CAMKMT: variants seen among roughly 807,000 people sequenced by gnomAD.
CAMKMT encodes the protein CaM KMT.
Under a neutral mutation model 48.0 loss-of-function variants are expected in CAMKMT, and 53 were observed. The observed-to-expected ratio is 1.10, with a 90% CI of 0.89 to 1.39. The LOEUF (loss-of-function observed/expected upper bound fraction) is 1.39. CAMKMT is among the 40% of genes most tolerant of loss of function. The probability of loss-of-function intolerance (pLI) is 0.00; values close to 1 mark genes in which losing one functional copy is unlikely to be tolerated. For synonymous variants in CAMKMT, 165 were observed against 152.3 expected (o/e 1.08, Z -0.61); for missense variants, 428 against 402.7 (o/e 1.06, Z -0.54).
chr2:44,721,691 C>T (rs1224469155), intron 7 of CAMKMT, among the ~76,000 whole-genome samples: 1 of 152,166 alleles, frequency 6.6e-6, no homozygotes, highest in African/African-American at 2.4e-5. Context: ...CATACTTGGC[C>T]AGATGTGCTG....
intron 3 of CAMKMT, among the ~76,000 whole-genome samples, chr2:44,591,075 G>A (rs28858152): frequency 0.62 from 93,014 of 150,456 alleles, 29,304 homozygotes; most frequent in Admixed American, 0.69. Context: ...GATATGTGGC[G>A]TTATTTCTGA....
At chr2:44,463,085 G>C (rs756548482) in intron 3 of CAMKMT, among the ~76,000 whole-genome samples, 1 of 152,156 alleles carries the variant, frequency 6.6e-6, no homozygotes, top group African/African-American at 2.4e-5. Context: ...TCTTATTGTA[G>C]TATTGTAGTA....
At chr2:44,541,008 T>G (rs1225364888) in intron 3 of CAMKMT, among the ~76,000 whole-genome samples, 1 of 152,232 alleles carries the variant, frequency 6.6e-6, no homozygotes, top group African/African-American at 2.4e-5. Context: ...CATTTTATTA[T>G]ATACTAATTT....
Position 44,543,457 on chromosome 2 carries a change from C to T in CAMKMT, c.376+153152C>T, listed in dbSNP as rs926854696. Reference sequence around the variant, plus strand: ...TTTAGAATCAAATGCCCTGTGGGACCTATATCTAGAAGGAGGAAGAATGAG... The same window carrying T: ...TTTAGAATCAAATGCCCTGTGGGACTTATATCTAGAAGGAGGAAGAATGAG... On this transcript the variant is annotated intron_variant, in intron 3 of 10. Coordinates refer to ENST00000378494, the MANE Select transcript of CAMKMT (RefSeq NM_024766.5). Among the ~76,000 whole-genome samples, 4 of 152,164 alleles carry T rather than the reference C, an allele frequency of 2.6e-5. No homozygotes were observed. In the East Asian group the frequency reaches 7.7e-4, roughly 29 times the overall value.
chr2:44,411,786 GT>G (rs922041322), intron 3 of CAMKMT, among the ~76,000 whole-genome samples: 14 of 151,630 alleles, frequency 9.2e-5, no homozygotes, highest in African/African-American at 3.4e-4. Flanking sequence ...AGTTGCCTTA[GT>G]TTTTTTAAAG....
In CAMKMT at chr2:44,374,053, G is replaced by C. The variant is rs188098470; in HGVS notation, c.311+1165G>C. Among the ~76,000 whole-genome samples the C allele has an allele frequency of 7.7e-3, 1,149 of 148,724 alleles. 22 individuals are homozygous for C. The highest frequency in any genetic ancestry group is 0.028 in the African/African-American group (1,089 of 39,440). ...GTGGAAAGATTGATTGAGCCCGGGA[G>C]GTTGAGGCTGCTGTGAGCTGTGCCA... is the stretch of plus-strand genomic sequence containing the variant. On this transcript the variant is annotated intron_variant, in intron 2 of 10. Coordinates refer to ENST00000378494, the MANE Select transcript of CAMKMT (RefSeq NM_024766.5).
intron 3 of CAMKMT, among the ~76,000 whole-genome samples, chr2:44,685,445 C>G (rs1323731003): frequency 6.6e-6 from 1 of 152,112 alleles, no homozygotes; most frequent in East Asian, 1.9e-4. Flanking sequence ...CATCAGGCAC[C>G]AAGGTTTGAC....
intron 3 of CAMKMT, among the ~76,000 whole-genome samples, chr2:44,585,445 G>A (rs1177832129): frequency 6.6e-6 from 1 of 152,192 alleles, no homozygotes; most frequent in East Asian, 1.9e-4. Context: ...TGTAGGAAGT[G>A]GCCTGCTTCT....
intron 3 of CAMKMT, among the ~76,000 whole-genome samples, chr2:44,547,422 A>G (rs1667467978): frequency 6.6e-6 from 1 of 152,178 alleles, no homozygotes; most frequent in African/African-American, 2.4e-5. Flanking sequence ...CCGAAGGCCG[A>G]GGCAGGAGGA....
At chr2:44,759,458 T>TA (rs1055844131) in intron 9 of CAMKMT, among the ~76,000 whole-genome samples, 3 of 152,070 alleles carry the variant, frequency 2.0e-5, no homozygotes, top group African/African-American at 7.2e-5. Context: ...TCTTTTTTTT[T>TA]AAAAAAAGTC....
At chr2:44,401,908 T>C (rs1258600343) in intron 3 of CAMKMT, among the ~76,000 whole-genome samples, 1 of 152,234 alleles carries the variant, frequency 6.6e-6, no homozygotes, top group Non-Finnish European at 1.5e-5. Context: ...TGTATCTCGT[T>C]CTAAATTCCA....
chr2:44,395,955 A>C (rs1171609040), intron 3 of CAMKMT, among the ~76,000 whole-genome samples: 1 of 152,138 alleles, frequency 6.6e-6, no homozygotes, highest in Non-Finnish European at 1.5e-5. Flanking sequence ...TTTTAGAATA[A>C]AGTGTTCACA....
At chr2:44,420,941 C>T (rs1026996417) in intron 3 of CAMKMT, among the ~76,000 whole-genome samples, 1 of 151,734 alleles carries the variant, frequency 6.6e-6, no homozygotes, top group Non-Finnish European at 1.5e-5. Context: ...TCACAGTAGT[C>T]AAGAGGATCA....
At chr2:44,427,771 T>G (rs1427761901) in intron 3 of CAMKMT, among the ~76,000 whole-genome samples, 1 of 152,170 alleles carries the variant, frequency 6.6e-6, no homozygotes, top group Non-Finnish European at 1.5e-5. Context: ...TATATTGAAT[T>G]TGTGGCCCAA....
chr2:44,468,898 A>T (rs577241006), intron 3 of CAMKMT, among the ~76,000 whole-genome samples: 1 of 152,304 alleles, frequency 6.6e-6, no homozygotes, highest in South Asian at 2.1e-4. Context: ...AGCCTGGATG[A>T]CAGAGTGTGA....
chr2:44,403,728 A>G (rs1483000637), intron 3 of CAMKMT, among the ~76,000 whole-genome samples: 1 of 152,230 alleles, frequency 6.6e-6, no homozygotes, highest in African/African-American at 2.4e-5. Context: ...ACTCATATAC[A>G]TTAATTTCAC....
chr2:44,670,640 G>C (rs540635819), intron 3 of CAMKMT, among the ~76,000 whole-genome samples: 9 of 152,224 alleles, frequency 5.9e-5, no homozygotes, highest in Admixed American at 2.0e-4. Flanking sequence ...TGCAGCCTGG[G>C]TGTCAGTGAG....
At chr2:44,427,089 T>G (rs1684325245) in intron 3 of CAMKMT, among the ~76,000 whole-genome samples, 1 of 152,182 alleles carries the variant, frequency 6.6e-6, no homozygotes, top group Non-Finnish European at 1.5e-5. Flanking sequence ...TAAATGGTGC[T>G]GGGAAAACTG....
At chr2:44,576,528 G>A (rs1262203259) in intron 3 of CAMKMT, among the ~76,000 whole-genome samples, 1 of 152,142 alleles carries the variant, frequency 6.6e-6, no homozygotes, top group Non-Finnish European at 1.5e-5. Flanking sequence ...TCTTCCTGGT[G>A]GAGAATAATT....
Sources: gnomAD v4.1 joint callset for allele counts (sites outside exome capture counted in the v4.1 genomes callset) on GRCh38, gnomAD v4.1.1 for gene constraint, MANE v1.5 for transcripts, NCBI Gene and HGNC (gene_info 2026-07-23, HGNC 2026-07-21) for gene names.